Variants in CUX1 observed in about 807,000 individuals in gnomAD.
The protein encoded by CUX1 is protein CASP.
Under a neutral mutation model 158.8 loss-of-function variants are expected in CUX1, and 31 were observed. The observed-to-expected ratio is 0.20, with a 90% CI of 0.15 to 0.26. The LOEUF (loss-of-function observed/expected upper bound fraction) is 0.26, where lower values mean the gene tolerates loss of function less well. Among genes scored for constraint, CUX1 ranks in the 10% least tolerant of loss-of-function variants. The probability of loss-of-function intolerance (pLI) is 1.00; values close to 1 mark genes in which losing one functional copy is unlikely to be tolerated. For synonymous variants in CUX1, 879 were observed against 862.1 expected (o/e 1.02, Z -0.34); for missense variants, 1,589 against 2,014.6 (o/e 0.79, Z 4.04).
chr7:101,954,567 G>C (rs1385675305), intron 2 of CUX1, among the ~76,000 whole-genome samples: 1 of 152,206 alleles, frequency 6.6e-6, no homozygotes, highest in Non-Finnish European at 1.5e-5. Context: ...CCAGCACTTT[G>C]GGAGGCCGAG....
intron 2 of CUX1, among the ~76,000 whole-genome samples, chr7:102,009,238 AG>A (rs1237527249): frequency 1.3e-5 from 2 of 152,198 alleles, no homozygotes; most frequent in African/African-American, 2.4e-5. Flanking sequence ...CCATACCTGA[AG>A]GGCTGTTTGG....
intron 2 of CUX1, among the ~76,000 whole-genome samples, chr7:101,919,213 G>T (rs541994433): frequency 9.1e-4 from 139 of 152,076 alleles, no homozygotes; most frequent in Non-Finnish European, 1.5e-3. Flanking sequence ...TGTGTGTGGG[G>T]GGGGAGCTGT....
intron 1 of CUX1, among the ~76,000 whole-genome samples, chr7:101,838,527 C>A (rs554511960): frequency 9.2e-5 from 14 of 151,482 alleles, no homozygotes; most frequent in African/African-American, 3.1e-4. Context: ...CAGGGCCAGG[C>A]GCGGTAGCTC....
intron 14 of CUX1, among the ~76,000 whole-genome samples, chr7:102,273,202 A>C (rs1408396414): frequency 1.3e-5 from 2 of 152,102 alleles, no homozygotes; most frequent in Non-Finnish European, 2.9e-5. Context: ...CCTAGGTCTA[A>C]TGGGGTCTTC....
rs947316340 is a variant in CUX1 at position 102,231,277 on chromosome 7, G to A, written c.3434-2775G>A. Among the ~76,000 whole-genome samples, 14 of 151,618 alleles carry A rather than the reference G, an allele frequency of 9.2e-5. No individual in the cohort carries two copies. In the East Asian group the frequency reaches 2.3e-3, roughly 25 times the overall value. On this transcript the variant is annotated intron_variant, in intron 21 of 23. Transcript: ENST00000292535. ...AATCTCCTGACCTCGTGATCTGCCC[G>A]CCTCAACCTCCCAAAGTGCTGGGAT...
rs144899441 is a variant in CUX1 at position 102,007,627 on chromosome 7, C to G, written c.142-20471C>G. On this transcript the variant is annotated intron_variant, in intron 2 of 23. Coordinates refer to ENST00000292535, the MANE Select transcript of CUX1 (RefSeq NM_181552.4). Reference sequence around the variant, plus strand: ...CCCTAAACTTCTACAAAGCCCCACTCTCTCCTGTTCCCGTCAGTCTGCTTG... The same window carrying G: ...CCCTAAACTTCTACAAAGCCCCACTGTCTCCTGTTCCCGTCAGTCTGCTTG... Among the ~76,000 whole-genome samples the G allele has an allele frequency of 9.1e-3, 1,374 of 151,762 alleles. 20 individuals are homozygous for G. The highest frequency in any genetic ancestry group is 0.031 in the African/African-American group (1,301 of 41,338).
chr7:101,882,815 C>T (rs1167798919), intron 1 of CUX1, among the ~76,000 whole-genome samples: 1 of 152,190 alleles, frequency 6.6e-6, no homozygotes, highest in East Asian at 1.9e-4. Flanking sequence ...CCGGCGCCCT[C>T]TGGGGTCACT....
chr7:102,243,671 T>A (rs1554535794), intron 23 of CUX1, among the ~76,000 whole-genome samples: 6 of 145,160 alleles, frequency 4.1e-5, no homozygotes. Flanking sequence ...ATAATAATAA[T>A]AATAATAAAA....
intron 11 of CUX1, among the ~76,000 whole-genome samples, chr7:102,179,114 C>A (rs1362000062): frequency 6.6e-6 from 1 of 152,198 alleles, no homozygotes; most frequent in Non-Finnish European, 1.5e-5. Flanking sequence ...ATGGCATGAT[C>A]TGGGCTCACA....
chr7:102,116,042 T>C (rs2088590077), intron 8 of CUX1, among the ~76,000 whole-genome samples: 2 of 152,048 alleles, frequency 1.3e-5, no homozygotes, highest in Admixed American at 1.3e-4. Context: ...GTCTCTTGGG[T>C]TTCCCTATTC....
chr7:102,089,971 T>C (rs1472967340), intron 4 of CUX1, among the ~76,000 whole-genome samples: 1 of 152,236 alleles, frequency 6.6e-6, no homozygotes, highest in Non-Finnish European at 1.5e-5. Flanking sequence ...CCACCAGTTG[T>C]CCAGCGTCTG....
intron 22 of CUX1, among the ~76,000 whole-genome samples, chr7:102,237,784 G>A (rs1454321893): frequency 6.6e-6 from 1 of 152,186 alleles, no homozygotes; most frequent in Middle Eastern, 3.2e-3. Flanking sequence ...GTGGAGACTG[G>A]TAGTGGCCCC....
At chr7:102,169,501 C>A (rs1245866294) in intron 9 of CUX1, among the ~76,000 whole-genome samples, 2 of 152,250 alleles carry the variant, frequency 1.3e-5, no homozygotes, top group African/African-American at 4.8e-5. Flanking sequence ...AGAACTGTGC[C>A]TCAGTCCTAA....
chr7:101,947,114 C>T (rs1361311812), intron 2 of CUX1, among the ~76,000 whole-genome samples: 2 of 152,108 alleles, frequency 1.3e-5, no homozygotes, highest in African/African-American at 2.4e-5. Context: ...AATGGCCAGG[C>T]GTGGTGGCTC....
intron 1 of CUX1, among the ~76,000 whole-genome samples, chr7:101,868,241 C>T (rs374214944): frequency 6.6e-6 from 1 of 152,278 alleles, no homozygotes; most frequent in Non-Finnish European, 1.5e-5. Context: ...TCTGGGGACC[C>T]GAGTTTCCTT....
chr7:102,230,498 T>TA (rs555147841), intron 21 of CUX1, among the ~76,000 whole-genome samples: 103 of 128,040 alleles, frequency 8.0e-4, no homozygotes, highest in Admixed American at 9.5e-4. Flanking sequence ...AAAAAAAAAT[T>TA]AAAAAAAAAA....
chr7:102,281,764 T>G (rs1401977351), intron 20 of CUX1: 2 of 997,628 alleles, frequency 2.0e-6, no homozygotes, highest in Non-Finnish European at 3.2e-6. Context: ...CTAGGGCCCT[T>G]TCTGTGAAGC....
chr7:102,066,959 C>G (rs371699855), intron 3 of CUX1, among the ~76,000 whole-genome samples: 7 of 152,312 alleles, frequency 4.6e-5, no homozygotes, highest in Middle Eastern at 3.4e-3. Context: ...TACACACACG[C>G]GTTTTAAGCA....
intron 9 of CUX1, among the ~76,000 whole-genome samples, chr7:102,162,578 AT>A (rs150391319): frequency 0.027 from 4,153 of 152,116 alleles, 212 homozygotes; most frequent in African/African-American, 0.096. Context: ...CGCATGGCTA[AT>A]TTTCTTATTT....
Sources: gnomAD v4.1 joint callset for allele counts (sites outside exome capture counted in the v4.1 genomes callset) on GRCh38, gnomAD v4.1.1 for gene constraint, MANE v1.5 for transcripts, NCBI Gene and HGNC (gene_info 2026-07-23, HGNC 2026-07-21) for gene names.